The following MAGED1 variants were observed in gnomAD, a reference collection of about 807,000 sequenced individuals.
The protein encoded by MAGED1 is MAGE family member D1.
Under a neutral mutation model 54.1 loss-of-function variants are expected in MAGED1, and 3 were observed. The ratio of observed to expected loss-of-function variants is 0.06; its 90% CI spans 0.03 to 0.14. MAGED1 has a LOEUF of 0.14. Ranked by LOEUF, MAGED1 falls within the 10% of genes least tolerant of loss-of-function variation. MAGED1 has a pLI of 1.00. For synonymous variants in MAGED1, 217 were observed against 227.3 expected (o/e 0.95, Z 0.41); for missense variants, 485 against 623.4 (o/e 0.78, Z 2.36).
At position 51,822,922 on chromosome X, in the gene MAGED1, G is replaced by A. The variant is rs921737167; in HGVS notation, c.-37+19805G>A. 3.7e-5 allele frequency among the ~76,000 whole-genome samples: 4 copies of A among 108,453 alleles called. No individual in the cohort carries two copies. In the South Asian group the frequency reaches 1.6e-3, roughly 42 times the overall value. The allele number at this position is 108,453 out of a possible 115,157, so 94.2% of individuals were successfully genotyped here. ...TGTGTAGATTCTTATTTGACCTTTG[G>A]CTTATTTAGAGGTGTGTTGTTTAAT... On this transcript the variant is annotated intron_variant, in intron 1 of 12. Coordinates refer to the MAGED1 transcript ENST00000375772.
intron 1 of MAGED1, among the ~76,000 whole-genome samples, chrX:51,816,263 T>A (rs1569555410): frequency 9.0e-6 from 1 of 110,509 alleles, no homozygotes; most frequent in Non-Finnish European, 1.9e-5. Context: ...TACAGATGCC[T>A]GCTACCATGC....
In MAGED1 at chrX:51,896,720, C is replaced by G. The variant is rs1928768035; in HGVS notation, c.1065C>G (p.Ile355Met). The G allele has an allele frequency of 8.3e-7, 1 of 1,210,802 alleles. No individual in the cohort carries two copies. Among genetic ancestry groups the G allele is most frequent in the Admixed American group, 2.2e-5 (1 of 45,951 alleles). Residue 355 changes from isoleucine (I) to methionine (M), a missense_variant, in exon 4 of 13, where the codon ATC (isoleucine) becomes ATG (methionine). Physicochemically the swap from Ile to Met is conservative, Grantham distance 10. Coordinates refer to ENST00000326587, the MANE Select transcript of MAGED1 (RefSeq NM_006986.4). ...CAGTAATCTGGCAGAACCCAGTGAT[C>G]TGGCCAAACCCCATTGTCTGGCCCG... ...PNPVIWQNPV[I>M]WPNPIVWPGP...
intron 1 of MAGED1, among the ~76,000 whole-genome samples, chrX:51,868,071 A>G (rs1557361225): frequency 3.6e-5 from 4 of 112,563 alleles, no homozygotes; most frequent in South Asian, 7.3e-4. Flanking sequence ...ACATGAAGAA[A>G]TGCTTCTTAA....
chrX:51,889,730 T>C (rs1602265125), upstream of MAGED1, among the ~76,000 whole-genome samples: 1 of 109,479 alleles, frequency 9.1e-6, no homozygotes, highest in East Asian at 2.8e-4. Context: ...CTGCCACTAA[T>C]GCTGCCCCTA....
chrX:51,840,423 C>CT (rs1176890690), intron 1 of MAGED1, among the ~76,000 whole-genome samples: 7 of 105,879 alleles, frequency 6.6e-5, no homozygotes, highest in African/African-American at 1.4e-4. Context: ...ATTCCAAAGA[C>CT]TTTTTTTTTT....
intron 1 of MAGED1, among the ~76,000 whole-genome samples, chrX:51,833,850 G>A (rs1926154065): frequency 9.0e-6 from 1 of 111,367 alleles, no homozygotes; most frequent in African/African-American, 3.3e-5. Context: ...TTAGAAAATC[G>A]CAATGCAATT....
intron 1 of MAGED1, among the ~76,000 whole-genome samples, chrX:51,847,002 G>A (rs782694498): frequency 8.9e-6 from 1 of 112,107 alleles, no homozygotes; most frequent in African/African-American, 3.2e-5. Context: ...GTCATAATTT[G>A]TTATAGCAGC....
chrX:51,844,651 G>C (rs1926619111), intron 1 of MAGED1, among the ~76,000 whole-genome samples: 1 of 111,883 alleles, frequency 8.9e-6, no homozygotes, highest in East Asian at 2.8e-4. Flanking sequence ...TGACTGGACA[G>C]CCTTTTGCTA....
intron 1 of MAGED1, among the ~76,000 whole-genome samples, chrX:51,878,411 T>C (rs1320665355): frequency 1.8e-5 from 2 of 111,835 alleles, no homozygotes; most frequent in African/African-American, 6.5e-5. Context: ...TCAGATCTTA[T>C]TAACATCAAA....
intron 1 of MAGED1, among the ~76,000 whole-genome samples, chrX:51,810,478 G>T (rs899980338): frequency 2.7e-5 from 3 of 112,081 alleles, no homozygotes; most frequent in Non-Finnish European, 5.6e-5. Flanking sequence ...CATTCATTCA[G>T]CCAAAATTTA....
At chrX:51,835,703 A>G (rs782119730) in intron 1 of MAGED1, among the ~76,000 whole-genome samples, 36 of 111,771 alleles carry the variant, frequency 3.2e-4, no homozygotes, top group African/African-American at 1.1e-3. Flanking sequence ...AAATAATGGC[A>G]AAACCCACAA....
In MAGED1 at chrX:51,826,154, C is replaced by T. The variant is rs144159016; in HGVS notation, c.-37+23037C>T. ...TACTTAGTTCTGTAGATTTTGTTGC[C>T]GTTGATCAATCCCCAGAGACTTTAG... On this transcript the variant is annotated intron_variant, in intron 1 of 12. Coordinates refer to the MAGED1 transcript ENST00000375772. 9.1e-3 allele frequency among the ~76,000 whole-genome samples: 1,020 copies of T among 112,194 alleles called. 13 individuals are homozygous for T. Among genetic ancestry groups the T allele is most frequent in the African/African-American group, 0.032 (981 of 30,900 alleles).
intron 1 of MAGED1, among the ~76,000 whole-genome samples, chrX:51,835,163 T>G (rs1242494908): frequency 9.0e-6 from 1 of 111,644 alleles, no homozygotes; most frequent in Non-Finnish European, 1.9e-5. Flanking sequence ...TTTACAATGG[T>G]GTTAAATCCC....
At chrX:51,868,576 G>C (rs1557361262) in intron 1 of MAGED1, among the ~76,000 whole-genome samples, 3 of 111,748 alleles carry the variant, frequency 2.7e-5, no homozygotes, top group African/African-American at 9.8e-5. Flanking sequence ...GTAACAGGAA[G>C]AGATCAGAAT....
At chrX:51,876,545 C>G (rs781854582) in intron 1 of MAGED1, among the ~76,000 whole-genome samples, 14 of 110,892 alleles carry the variant, frequency 1.3e-4, no homozygotes, top group Non-Finnish European at 2.3e-4. Context: ...CCTCTCCTTC[C>G]TCAAGAAAAA....
intron 1 of MAGED1, among the ~76,000 whole-genome samples, chrX:51,829,871 G>T (rs1473568314): frequency 9.0e-6 from 1 of 111,691 alleles, no homozygotes; most frequent in Non-Finnish European, 1.9e-5. Context: ...TGGGTGGAAA[G>T]AAATACAATC....
In MAGED1 at chrX:51,893,730, G is replaced by A. The variant is rs1557363808; in HGVS notation, c.-62G>A. On this transcript the variant is annotated 5_prime_UTR_variant, in exon 1 of 13. Coordinates refer to ENST00000326587, the MANE Select transcript of MAGED1 (RefSeq NM_006986.4). ...GTCGTGAAGAAGGGAGGCAGCGAGG[G>A]GGTTGGGGTTGGGGCCTGAGGCAAG... 1 of 113,070 alleles carries A rather than the reference G, an allele frequency of 8.8e-6. No homozygotes were observed. The highest frequency in any genetic ancestry group is 3.2e-5 in the African/African-American group (1 of 30,938). 9.3% of individuals were successfully genotyped at this position (113,070 alleles called of 1,213,427 possible). A position where few individuals can be genotyped will look rare whatever the true frequency, so the allele number is the denominator to read the frequency against.
At chrX:51,867,929 A>G (rs1244853459) in intron 1 of MAGED1, among the ~76,000 whole-genome samples, 12 of 112,472 alleles carry the variant, frequency 1.1e-4, no homozygotes, top group African/African-American at 3.2e-4. Context: ...CAAAAATATC[A>G]TAATTTTGCT....
chrX:51,868,128 G>T (rs951556138), intron 1 of MAGED1, among the ~76,000 whole-genome samples: 1 of 112,269 alleles, frequency 8.9e-6, no homozygotes, highest in Non-Finnish European at 1.9e-5. Flanking sequence ...CTACCAATGG[G>T]AACATCAAAC....
Sources: gnomAD v4.1 joint callset for allele counts (sites outside exome capture counted in the v4.1 genomes callset) on GRCh38, gnomAD v4.1.1 for gene constraint, MANE v1.5 for transcripts, NCBI Gene and HGNC (gene_info 2026-07-23, HGNC 2026-07-21) for gene names.